The following MAPKAP1 variants were observed in gnomAD, a reference collection of about 807,000 sequenced individuals.
MAPKAP1 encodes the protein MAPK associated protein 1, also known as target of rapamycin complex 2 subunit MAPKAP1.
A neutral mutation model predicts 65.7 loss-of-function variants in MAPKAP1; 20 were observed. The observed-to-expected ratio is 0.30, with a 90% CI of 0.21 to 0.44. MAPKAP1 has a LOEUF of 0.44. Ranked by LOEUF, MAPKAP1 falls within the 20% of genes least tolerant of loss-of-function variation. MAPKAP1 has a pLI of 1.00. For missense variants in MAPKAP1, 423 were observed against 648.0 expected (o/e 0.65, Z 3.77); for synonymous variants, 222 against 244.3 (o/e 0.91, Z 0.85).
chr9:125,693,686 CGTATATAT>C (rs144841001), intron 1 of MAPKAP1, among the ~76,000 whole-genome samples: 1,841 of 128,952 alleles, frequency 0.014, 127 homozygotes, highest in African/African-American at 0.04. Context: ...TATATATACA[CGTATATAT>C]ACACGTATAT....
In MAPKAP1 at chr9:125,679,598, G is replaced by A. The variant is rs529450725; in HGVS notation, c.-69-6955C>T. Among the ~76,000 whole-genome samples the A allele has an allele frequency of 2.8e-4, 42 of 152,182 alleles. 1 individual carries two copies. The South Asian group carries it at 7.9e-3, about 29-fold the overall frequency. On this transcript the variant is annotated intron_variant, in intron 1 of 11. Transcript: ENST00000265960. ...GGGTTTACTTTAAATATCTAGTTACGTCTAAGGAATATTTTTTAAAATCCC... is the reference window on the plus strand; with the variant it reads ...GGGTTTACTTTAAATATCTAGTTACATCTAAGGAATATTTTTTAAAATCCC...
At chr9:125,472,017 C>T (rs982790048) in intron 9 of MAPKAP1, 18 of 152,228 alleles carry the variant, frequency 1.2e-4, no homozygotes, top group Admixed American at 3.9e-4. Context: ...GTATGTTCAT[C>T]CTATTCTACT....
intron 4 of MAPKAP1, among the ~76,000 whole-genome samples, chr9:125,597,658 A>G (rs1832178363): frequency 1.3e-5 from 2 of 152,244 alleles, no homozygotes; most frequent in Admixed American, 1.3e-4. Flanking sequence ...AGAGACAAAA[A>G]GCAGGCAACA....
At chr9:125,643,199 GT>G (rs1159382907) in intron 4 of MAPKAP1, among the ~76,000 whole-genome samples, 3 of 127,838 alleles carry the variant, frequency 2.3e-5, no homozygotes, top group Admixed American at 1.5e-4. Flanking sequence ...CACGCCCAGC[GT>G]TTTTTTTTTG....
intron 4 of MAPKAP1, among the ~76,000 whole-genome samples, chr9:125,657,234 G>A (rs922832436): frequency 6.6e-6 from 1 of 151,922 alleles, no homozygotes; most frequent in African/African-American, 2.4e-5. Flanking sequence ...ATACTTAGGA[G>A]ATAAAACGGA....
intron 2 of MAPKAP1, 117 bp downstream of exon 2, chr9:125,672,199 G>A (rs1834517033): frequency 2.6e-6 from 3 of 1,135,688 alleles, no homozygotes; most frequent in South Asian, 3.0e-5. Context: ...ACATATGCAT[G>A]TTCCTATTAA....
chr9:125,439,845 G>A lies in MAPKAP1; in HGVS notation c.1444-833C>T, dbSNP rs1365767539. ...CCTGGTGAGTGGGTGTCCAGCAGCA[G>A]AACCAGCACTGCAGCAGGCAAAGAG... On this transcript the variant is annotated intron_variant, in intron 11 of 11. Coordinates refer to ENST00000265960, the MANE Select transcript of MAPKAP1 (RefSeq NM_001006617.3). The surrounding 1 kb of genome is among the most constrained non-coding windows in gnomAD (Gnocchi z 4.0). Among the ~76,000 whole-genome samples the A allele has an allele frequency of 1.3e-5, 2 of 152,274 alleles. No homozygotes were observed. The highest frequency in any genetic ancestry group is 4.8e-5 in the African/African-American group (2 of 41,480).
rs1564622416 is a variant in MAPKAP1, at chr9:125,698,300, T to TATAAA, written c.-70+8670_-70+8671insTTTAT. On this transcript the variant is annotated intron_variant, in intron 1 of 11. Transcript: ENST00000265960. ...CATAATATATATAAATATATATATA[T>TATAAA]ATATATATATATATATATATATATA... Among the ~76,000 whole-genome samples, 154 of 16,148 alleles carry TATAAA rather than the reference T, an allele frequency of 9.5e-3. 2 individuals carry two copies. The highest frequency in any genetic ancestry group is 0.034 in the African/African-American group (143 of 4,246). The allele number at this position is 16,148 out of a possible 152,430, so 10.6% of individuals were successfully genotyped here. A position where few individuals can be genotyped will look rare whatever the true frequency, so the allele number is the denominator to read the frequency against.
At chr9:125,704,990 T>C (rs532015871) in intron 1 of MAPKAP1, among the ~76,000 whole-genome samples, 7 of 152,290 alleles carry the variant, frequency 4.6e-5, no homozygotes, top group Non-Finnish European at 8.8e-5. Context: ...GGACCAGGAA[T>C]TGAATCCAGA....
intron 9 of MAPKAP1, 33 bp from the exon 10 acceptor site, chr9:125,468,142 A>T: frequency 6.2e-7 from 1 of 1,608,190 alleles, no homozygotes. Context: ...AAAAGAAAAC[A>T]CAAGAAGTAG....
intron 7 of MAPKAP1, among the ~76,000 whole-genome samples, chr9:125,520,714 T>G (rs1027422178): frequency 6.6e-6 from 1 of 152,228 alleles, no homozygotes; most frequent in African/African-American, 2.4e-5. Flanking sequence ...TATCTGGTGA[T>G]GAAACAAGCC....
rs1312779794 is a variant in MAPKAP1, at chr9:125,563,348, A to T, written c.672-3539T>A. Among the ~76,000 whole-genome samples, 3 of 152,190 alleles carry T rather than the reference A, an allele frequency of 2.0e-5. No homozygotes were observed. In the East Asian group the frequency reaches 5.8e-4, roughly 29 times the overall value. Reference sequence around the variant, plus strand: ...TGGAAAGAACAGGGATTTTGCAGACACAACTGGTTTTAATGCTAACTCAAA... The same window carrying T: ...TGGAAAGAACAGGGATTTTGCAGACTCAACTGGTTTTAATGCTAACTCAAA... On this transcript the variant is annotated intron_variant, in intron 5 of 11. Coordinates refer to ENST00000265960, the MANE Select transcript of MAPKAP1 (RefSeq NM_001006617.3).
At chr9:125,569,305 C>G (rs1403971009) in intron 5 of MAPKAP1, among the ~76,000 whole-genome samples, 1 of 152,210 alleles carries the variant, frequency 6.6e-6, no homozygotes, top group Non-Finnish European at 1.5e-5. Context: ...ATGAACTACT[C>G]TAGACTCCTT....
At chr9:125,679,275 T>C (rs1834749547) in intron 1 of MAPKAP1, among the ~76,000 whole-genome samples, 1 of 152,208 alleles carries the variant, frequency 6.6e-6, no homozygotes, top group Non-Finnish European at 1.5e-5. Flanking sequence ...GTGCTGGAAT[T>C]ACAGGCGTGA....
intron 1 of MAPKAP1, among the ~76,000 whole-genome samples, chr9:125,680,162 A>T (rs1281835221): frequency 6.6e-6 from 1 of 151,830 alleles, no homozygotes; most frequent in Non-Finnish European, 1.5e-5. Context: ...GTTAAAGCTA[A>T]TTCCTGTACA....
intron 4 of MAPKAP1, among the ~76,000 whole-genome samples, chr9:125,649,958 G>A (rs372158457): frequency 2.0e-5 from 3 of 152,106 alleles, no homozygotes; most frequent in African/African-American, 4.8e-5. Context: ...TGAGGGAGAA[G>A]CCCTCTTTCA....
Position 125,565,741 on chromosome 9 carries a change from C to CAAAAAA in MAPKAP1, c.672-5938_672-5933dup, listed in dbSNP as rs71374275. The CAAAAAA allele has an allele frequency of 1.1e-4, 17 of 149,114 alleles. 1 individual carries two copies. The highest frequency in any genetic ancestry group is 6.5e-4 in the East Asian group (2 of 3,096). 9.2% of individuals were successfully genotyped at this position (149,114 alleles called of 1,614,324 possible). A position where few individuals can be genotyped will look rare whatever the true frequency, so the allele number is the denominator to read the frequency against. On this transcript the variant is annotated intron_variant, in intron 5 of 11. Transcript: ENST00000265960. Reference sequence around the variant, plus strand: ...TTCCTGATCCTCAGTTTCTCTCCTGCAAAAAAAAAAAAAAAAAAAAAAAAA... The same window carrying CAAAAAA: ...TTCCTGATCCTCAGTTTCTCTCCTGCAAAAAAAAAAAAAAAAAAAAAAAAAAAAAAA...
chr9:125,692,103 G>T (rs1835187889), intron 1 of MAPKAP1, among the ~76,000 whole-genome samples: 1 of 152,120 alleles, frequency 6.6e-6, no homozygotes, highest in Non-Finnish European at 1.5e-5. Context: ...AAAACAGCCT[G>T]GCAGTTTCTC....
intron 8 of MAPKAP1, 91 bp from the exon 9 acceptor site, chr9:125,484,674 T>A (rs1043564123): frequency 1.6e-5 from 21 of 1,276,434 alleles, no homozygotes; most frequent in Non-Finnish European, 1.1e-5. Flanking sequence ...ATTAAAATAA[T>A]ATGGGCTATT....
Sources: gnomAD v4.1 joint callset for allele counts (sites outside exome capture counted in the v4.1 genomes callset) on GRCh38, gnomAD v4.1.1 for gene constraint, Gnocchi (gnomAD v3.1) non-coding constraint, MANE v1.5 for transcripts, NCBI Gene and HGNC (gene_info 2026-07-23, HGNC 2026-07-21) for gene names.